Variants in EPHA6 observed in about 807,000 individuals in gnomAD.
EPHA6 encodes the protein ephrin type-A receptor 6.
A neutral mutation model predicts 112.0 loss-of-function variants in EPHA6; 50 were observed. That is an observed-to-expected ratio of 0.45 (90% CI 0.36 to 0.56). The LOEUF (loss-of-function observed/expected upper bound fraction) is 0.56. EPHA6 is among the 20% of genes least tolerant of loss of function. The pLI, the probability that EPHA6 is intolerant of heterozygous loss-of-function variation, is 0.00. For missense variants in EPHA6, 1,280 were observed against 1,417.4 expected (o/e 0.90, Z 1.56); for synonymous variants, 529 against 490.7 (o/e 1.08, Z -1.03).
chr3:97,222,470 A>AT (rs2078236762), intron 3 of EPHA6, among the ~76,000 whole-genome samples: 2 of 152,272 alleles, frequency 1.3e-5, no homozygotes, highest in Admixed American at 6.5e-5. Context: ...TTATATATGT[A>AT]TTTTTTGCAT....
intron 3 of EPHA6, among the ~76,000 whole-genome samples, chr3:97,098,596 T>C (rs2047314206): frequency 6.6e-6 from 1 of 151,950 alleles, no homozygotes; most frequent in African/African-American, 2.4e-5. Flanking sequence ...ATTATGTGAT[T>C]ATCTTTACCT....
chr3:97,001,419 A>G (rs573761256), intron 3 of EPHA6, among the ~76,000 whole-genome samples: 30 of 152,112 alleles, frequency 2.0e-4, no homozygotes, highest in African/African-American at 6.7e-4. Flanking sequence ...CTTTGAGACA[A>G]TAGCTTTACA....
chr3:96,962,924 C>T (rs1423232944), intron 2 of EPHA6, among the ~76,000 whole-genome samples: 1 of 152,028 alleles, frequency 6.6e-6, no homozygotes, highest in Non-Finnish European at 1.5e-5. Context: ...GAGTCTGAGG[C>T]TTGCGGATCG....
At chr3:97,164,221 G>T (rs2076484525) in intron 3 of EPHA6, among the ~76,000 whole-genome samples, 1 of 152,080 alleles carries the variant, frequency 6.6e-6, no homozygotes, top group Non-Finnish European at 1.5e-5. Context: ...TAGATATTTT[G>T]CATATTTGTA....
At chr3:97,338,686 T>C (rs923522878) in intron 5 of EPHA6, among the ~76,000 whole-genome samples, 18 of 152,292 alleles carry the variant, frequency 1.2e-4, no homozygotes, top group Admixed American at 1.2e-3. Context: ...CTTGCCCAGT[T>C]TGCAAATTTA....
chr3:97,399,276 C>T (rs1158715166), intron 5 of EPHA6, among the ~76,000 whole-genome samples: 2 of 151,600 alleles, frequency 1.3e-5, no homozygotes, highest in East Asian at 3.9e-4. Flanking sequence ...GACAGAAATT[C>T]ATTCTTTTTA....
At chr3:97,466,688 T>A (rs1444033369) in intron 7 of EPHA6, among the ~76,000 whole-genome samples, 1 of 151,920 alleles carries the variant, frequency 6.6e-6, no homozygotes, top group Non-Finnish European at 1.5e-5. Flanking sequence ...TATTCTAGAA[T>A]CTGAATATTA....
intron 5 of EPHA6, among the ~76,000 whole-genome samples, chr3:97,279,829 A>G (rs746918862): frequency 3.4e-4 from 51 of 152,220 alleles, no homozygotes; most frequent in Non-Finnish European, 6.5e-4. Flanking sequence ...ATTGAAGAGT[A>G]GAAATAACTG....
chr3:97,454,117 G>A (rs923427624), intron 7 of EPHA6, among the ~76,000 whole-genome samples: 29 of 151,614 alleles, frequency 1.9e-4, no homozygotes, highest in African/African-American at 7.0e-4. Context: ...ACTTCCAACT[G>A]GAATATTCAG....
At chr3:97,605,999 G>A (rs1303029750) in intron 12 of EPHA6, among the ~76,000 whole-genome samples, 1 of 151,304 alleles carries the variant, frequency 6.6e-6, no homozygotes, top group African/African-American at 2.4e-5. Flanking sequence ...GGAATAGGGT[G>A]AAGTAAAAGA....
At chr3:97,483,890 G>A in intron 9 of EPHA6, 44 bp from the exon 10 acceptor site, 1 of 1,560,990 alleles carries the variant, frequency 6.4e-7, no homozygotes. Context: ...ATAGACCACT[G>A]AGATACTCAA....
intron 3 of EPHA6, among the ~76,000 whole-genome samples, chr3:97,031,962 A>G (rs1026660610): frequency 1.3e-4 from 19 of 151,542 alleles, no homozygotes; most frequent in Admixed American, 5.9e-4. Flanking sequence ...TACCCAAAGG[A>G]TTATAAATTA....
intron 13 of EPHA6, among the ~76,000 whole-genome samples, chr3:97,618,942 C>G (rs895180092): frequency 1.3e-5 from 2 of 152,004 alleles, no homozygotes; most frequent in Non-Finnish European, 2.9e-5. Flanking sequence ...ATACCAAAAC[C>G]TGGCAGCAAT....
At chr3:97,227,334 C>T (rs970177304) in intron 4 of EPHA6, among the ~76,000 whole-genome samples, 6 of 151,868 alleles carry the variant, frequency 4.0e-5, no homozygotes, top group African/African-American at 1.5e-4. Flanking sequence ...GATTCTCCTG[C>T]CTCAGCTTCC....
rs73850170 is a variant in EPHA6, at chr3:97,734,007, C to T, written c.2935-1918C>T. Among the ~76,000 whole-genome samples, 580 of 152,106 alleles carry T rather than the reference C, an allele frequency of 3.8e-3. 2 individuals are homozygous for T. The highest frequency in any genetic ancestry group is 0.013 in the African/African-American group (529 of 41,540). On this transcript the variant is annotated intron_variant, in intron 15 of 17. Coordinates refer to ENST00000389672, the MANE Select transcript of EPHA6 (RefSeq NM_001080448.3). ...GTTCAAATTTCAACCCTGCCACTTA[C>T]TAGCTATGTGAATTTAGGCAAGTTT... is the stretch of plus-strand genomic sequence containing the variant.
At chr3:97,142,590 A>G (rs1354822239) in intron 3 of EPHA6, among the ~76,000 whole-genome samples, 1 of 151,984 alleles carries the variant, frequency 6.6e-6, no homozygotes, top group Non-Finnish European at 1.5e-5. Flanking sequence ...TTCTGGAAAC[A>G]TACAACTTCC....
intron 5 of EPHA6, among the ~76,000 whole-genome samples, chr3:97,286,258 A>T (rs989643924): frequency 1.3e-5 from 2 of 151,962 alleles, no homozygotes; most frequent in African/African-American, 4.8e-5. Flanking sequence ...CTATTACTCC[A>T]TTTTTTCTTT....
At chr3:97,613,735 A>G (rs971115972) in intron 13 of EPHA6, among the ~76,000 whole-genome samples, 1 of 152,186 alleles carries the variant, frequency 6.6e-6, no homozygotes, top group African/African-American at 2.4e-5. Context: ...TGACTTAGCA[A>G]GCAAATCATC....
chr3:97,608,806 A>G (rs929691291), intron 12 of EPHA6, among the ~76,000 whole-genome samples: 7 of 151,466 alleles, frequency 4.6e-5, no homozygotes, highest in African/African-American at 1.7e-4. Flanking sequence ...ATCACTGGAA[A>G]GAATTGACTA....
Sources: allele counts gnomAD v4.1 joint callset (sites outside exome capture counted in the v4.1 genomes callset), GRCh38; gene constraint gnomAD v4.1.1; transcripts MANE v1.5; gene names NCBI Gene and HGNC (gene_info 2026-07-23, HGNC 2026-07-21).